The following ANO3 variants were observed in gnomAD, a reference collection of about 807,000 sequenced individuals.
ANO3 encodes anoctamin 3.
ANO3 carries 99 observed loss-of-function variants against 144.8 expected under a neutral mutation model. The observed-to-expected ratio is 0.68, with a 90% confidence interval of 0.58 to 0.81. ANO3 has a LOEUF of 0.81. ANO3 is among the 30% of genes least tolerant of loss of function. ANO3 has a pLI of 0.00. For missense variants in ANO3, 905 were observed against 1,202.2 expected (o/e 0.75, Z 3.66); for synonymous variants, 414 against 392.6 (o/e 1.05, Z -0.64).
At chr11:26,319,483 A>C (rs1244462694) in intron 1 of ANO3, among the ~76,000 whole-genome samples, 1 of 152,096 alleles carries the variant, frequency 6.6e-6, no homozygotes, top group African/African-American at 2.4e-5. Flanking sequence ...TTTTGTCTCC[A>C]TTGTTTTGCT....
At position 26,582,980 on chromosome 11, in the gene ANO3, T is replaced by C. The variant is rs572528865; in HGVS notation, c.1448-15385T>C. 1.4e-4 allele frequency among the ~76,000 whole-genome samples: 21 copies of C among 152,352 alleles called. No individual in the cohort carries two copies. In the South Asian group the frequency reaches 4.1e-3, roughly 30 times the overall value. On this transcript the variant is annotated intron_variant, in intron 14 of 26. Transcript: ENST00000256737. Reference sequence around the variant, plus strand: ...TTATATTGCATTTATGAAAAATACATGGCAAAAAGCTGAGTAGTTTATCAA... The same window carrying C: ...TTATATTGCATTTATGAAAAATACACGGCAAAAAGCTGAGTAGTTTATCAA...
In ANO3 at chr11:26,286,454, G is replaced by A. The variant is rs373087688; in HGVS notation, c.155-23191G>A. Among the ~76,000 whole-genome samples, 47 of 152,250 alleles carry A rather than the reference G, an allele frequency of 3.1e-4. No homozygotes were observed. The South Asian group carries it at 5.2e-3, about 17-fold the overall frequency. ...CAGAATTATTTTAGTTGAAACCCAG[G>A]CATTCATCATTTTTTAAGTTTCCCC... On this transcript the variant is annotated intron_variant, in intron 1 of 27. Coordinates refer to the ANO3 transcript ENST00000672621.
intron 1 of ANO3, among the ~76,000 whole-genome samples, chr11:26,379,098 A>G (rs1856505158): frequency 6.6e-6 from 1 of 152,098 alleles, no homozygotes. Context: ...GTAACATGTC[A>G]GCAAATAAAT....
chr11:26,540,722 A>G (rs2134203342), intron 10 of ANO3, among the ~76,000 whole-genome samples: 1 of 152,340 alleles, frequency 6.6e-6, no homozygotes, highest in South Asian at 2.1e-4. Flanking sequence ...TCGTTAGAGA[A>G]ATGCAAATCA....
chr11:26,651,405 C>A (rs1853528040), intron 24 of ANO3, among the ~76,000 whole-genome samples: 1 of 151,972 alleles, frequency 6.6e-6, no homozygotes, highest in Admixed American at 6.6e-5. Flanking sequence ...TACATGAGAC[C>A]AGATTTTCTA....
chr11:26,465,669 A>T (rs1859577389), intron 4 of ANO3, among the ~76,000 whole-genome samples: 1 of 151,910 alleles, frequency 6.6e-6, no homozygotes, highest in Non-Finnish European at 1.5e-5. Context: ...TCTTATATTG[A>T]ATTTATGAGG....
intron 1 of ANO3, among the ~76,000 whole-genome samples, chr11:26,389,022 CTT>C: frequency 6.6e-6 from 1 of 152,100 alleles, no homozygotes; most frequent in Non-Finnish European, 1.5e-5. Context: ...TAGAAGCGTT[CTT>C]GTCTTTGATA....
chr11:26,259,308 G>A (rs760963497), intron 1 of ANO3, among the ~76,000 whole-genome samples: 8 of 152,064 alleles, frequency 5.3e-5, no homozygotes, highest in Non-Finnish European at 7.4e-5. Flanking sequence ...TCGTTTGTAA[G>A]TATATGTTTA....
At chr11:26,249,821 C>T (rs1473219202) in intron 1 of ANO3, among the ~76,000 whole-genome samples, 11 of 152,024 alleles carry the variant, frequency 7.2e-5, no homozygotes, top group African/African-American at 1.9e-4. Flanking sequence ...GAATAAAAAA[C>T]GCTTCAGTAG....
chr11:26,356,510 T>G (rs1328639749), intron 1 of ANO3, among the ~76,000 whole-genome samples: 3 of 152,186 alleles, frequency 2.0e-5, no homozygotes, highest in Admixed American at 2.0e-4. Context: ...GTATATATTG[T>G]TTTTTATCCT....
chr11:26,408,167 T>C (rs1002026357), intron 1 of ANO3, among the ~76,000 whole-genome samples: 3 of 151,892 alleles, frequency 2.0e-5, no homozygotes, highest in Admixed American at 2.0e-4. Context: ...CAAAAGAAAC[T>C]ACCATCAGAG....
chr11:26,397,183 T>TAGTTCTCGGTACTTA (rs141767413), intron 1 of ANO3, among the ~76,000 whole-genome samples: 1 of 151,686 alleles, frequency 6.6e-6, no homozygotes, highest in Non-Finnish European at 1.5e-5. Context: ...GAGGACATTT[T>TAGTTCTCGGTACTTA]AGTACTCAGT....
At chr11:26,261,220 T>TA (rs1417760059) in intron 1 of ANO3, among the ~76,000 whole-genome samples, 1 of 152,204 alleles carries the variant, frequency 6.6e-6, no homozygotes, top group Non-Finnish European at 1.5e-5. Context: ...TATTTTTTTT[T>TA]ACTTGTCCAT....
chr11:26,597,642 T>A (rs1174656549), intron 14 of ANO3, among the ~76,000 whole-genome samples: 1 of 152,124 alleles, frequency 6.6e-6, no homozygotes, highest in Non-Finnish European at 1.5e-5. Context: ...AACAGAGCTC[T>A]CATACAATGG....
At chr11:26,617,029 C>T (rs1027255907) in intron 17 of ANO3, among the ~76,000 whole-genome samples, 1 of 152,214 alleles carries the variant, frequency 6.6e-6, no homozygotes, top group Admixed American at 6.5e-5. Flanking sequence ...CCTCAGCCTT[C>T]CAAAGTGCTG....
At chr11:26,236,436 G>C (rs1369057296) in intron 1 of ANO3, among the ~76,000 whole-genome samples, 1 of 151,878 alleles carries the variant, frequency 6.6e-6, no homozygotes, top group African/African-American at 2.4e-5. Context: ...CAAACAGTTT[G>C]AAATAAAAGA....
intron 1 of ANO3, among the ~76,000 whole-genome samples, chr11:26,252,195 T>C (rs1482901579): frequency 6.6e-6 from 1 of 152,196 alleles, no homozygotes; most frequent in African/African-American, 2.4e-5. Flanking sequence ...TAATACAACT[T>C]TTTTAAATGA....
rs564311707 is a variant in ANO3 at position 26,635,564 on chromosome 11, T to A, written c.2043+494T>A. Among the ~76,000 whole-genome samples the A allele has an allele frequency of 5.3e-4, 80 of 152,244 alleles. No homozygotes were observed. The Middle Eastern group carries it at 0.014, about 26-fold the overall frequency. ...GTTACAGGATAAGCATATTGTATAT[T>A]TTCACTGAGACTGAGAAATGGGCCT... On this transcript the variant is annotated intron_variant, in intron 20 of 26. Coordinates refer to ENST00000256737, the MANE Select transcript of ANO3 (RefSeq NM_031418.4).
rs1851248441 is a variant in ANO3, at chr11:26,585,430, CTTTAT to C, written c.1448-12930_1448-12926del. On this transcript the variant is annotated intron_variant, in intron 14 of 26. Coordinates refer to ENST00000256737, the MANE Select transcript of ANO3 (RefSeq NM_031418.4). ...TTTATACACTTTCATTTTTAAGTATCTTTATTTTAATATTTAACAAGTTTAATACA... is the reference window on the plus strand; with the variant it reads ...TTTATACACTTTCATTTTTAAGTATCTTTAATATTTAACAAGTTTAATACA... Among the ~76,000 whole-genome samples, 5 of 151,970 alleles carry C rather than the reference CTTTAT, an allele frequency of 3.3e-5. No individual in the cohort carries two copies. In the South Asian group the frequency reaches 1.0e-3, roughly 31 times the overall value.
Sources: gnomAD v4.1 joint callset for allele counts (sites outside exome capture counted in the v4.1 genomes callset) on GRCh38, gnomAD v4.1.1 for gene constraint, MANE v1.5 for transcripts, NCBI Gene and HGNC (gene_info 2026-07-23, HGNC 2026-07-21) for gene names.